The following NTRK2 variants were observed in gnomAD, a reference collection of about 807,000 sequenced individuals.
NTRK2 encodes BDNF/NT-3 growth factors receptor.
NTRK2 carries 13 observed loss-of-function variants against 94.5 expected under a neutral mutation model. The ratio of observed to expected loss-of-function variants is 0.14; its 90% CI spans 0.09 to 0.22. NTRK2 has a LOEUF of 0.22. NTRK2 is among the 10% of genes least tolerant of loss of function. The probability of loss-of-function intolerance (pLI) is 1.00; values close to 1 mark genes in which losing one functional copy is unlikely to be tolerated. For missense variants in NTRK2, 639 were observed against 1,071.2 expected (o/e 0.60, Z 5.63); for synonymous variants, 372 against 407.4 (o/e 0.91, Z 1.05).
intron 12 of NTRK2, among the ~76,000 whole-genome samples, chr9:84,846,553 T>C (rs2074483443): frequency 6.6e-6 from 1 of 152,238 alleles, no homozygotes; most frequent in Non-Finnish European, 1.5e-5. Flanking sequence ...CAAGCAGTTA[T>C]AAAGATTGGG....
intron 18 of NTRK2, 32 bp downstream of exon 18, chr9:85,020,396 A>G (rs750457973): frequency 4.3e-6 from 7 of 1,612,992 alleles, no homozygotes; most frequent in South Asian, 3.3e-5. Context: ...GACCCTCCAG[A>G]GGGCTGAGAT....
chr9:84,992,780 A>C (rs1829251062), intron 17 of NTRK2, among the ~76,000 whole-genome samples: 1 of 152,088 alleles, frequency 6.6e-6, no homozygotes, highest in Non-Finnish European at 1.5e-5. Context: ...TGCAGATGTG[A>C]TGTGCTATCA....
intron 14 of NTRK2, among the ~76,000 whole-genome samples, chr9:84,911,606 T>C (rs1054107507): frequency 1.3e-5 from 2 of 152,282 alleles, no homozygotes; most frequent in Non-Finnish European, 1.5e-5. Context: ...GTAGGGTTTG[T>C]ACTGTTTTAT....
chr9:84,824,418 A>G (rs1432711730), intron 12 of NTRK2, among the ~76,000 whole-genome samples: 1 of 152,246 alleles, frequency 6.6e-6, no homozygotes, highest in Admixed American at 6.5e-5. Flanking sequence ...ATCAGCATGC[A>G]GAATTCAGAT....
Position 84,737,790 on chromosome 9 carries a change from C to A in NTRK2, c.1160-4102C>A, listed in dbSNP as rs115837696. On this transcript the variant is annotated intron_variant, in intron 9 of 18. Transcript: ENST00000277120. ...ATAGGCAGTTTTTCAGCCTTCCCCCCCATCCGTCTCTCTCCATCTTCAGTA... is the reference window on the plus strand; with the variant it reads ...ATAGGCAGTTTTTCAGCCTTCCCCCACATCCGTCTCTCTCCATCTTCAGTA... Among the ~76,000 whole-genome samples, 9 of 148,510 alleles carry A rather than the reference C, an allele frequency of 6.1e-5. 1 individual carries two copies. Among genetic ancestry groups the A allele is most frequent in the African/African-American group, 1.1e-4 (4 of 37,962 alleles).
At chr9:84,976,293 CAG>C (rs985637949) in intron 17 of NTRK2, among the ~76,000 whole-genome samples, 1 of 152,174 alleles carries the variant, frequency 6.6e-6, no homozygotes. Flanking sequence ...CCCTGTGTGG[CAG>C]AGAGAGCTCT....
intron 14 of NTRK2, among the ~76,000 whole-genome samples, chr9:84,932,011 T>C (rs1270894555): frequency 3.9e-5 from 6 of 152,244 alleles, no homozygotes; most frequent in Admixed American, 3.9e-4. Context: ...AAAAGACCTT[T>C]TGATTTTTAT....
intron 5 of NTRK2, 53 bp downstream of exon 5, chr9:84,707,965 A>G (rs750164181): frequency 3.4e-5 from 49 of 1,432,046 alleles, no homozygotes; most frequent in Non-Finnish European, 4.6e-5. Flanking sequence ...AGGAAGGGGT[A>G]ATTAAGTATT....
At chr9:84,799,001 G>T (rs754194511) in intron 12 of NTRK2, among the ~76,000 whole-genome samples, 11 of 147,700 alleles carry the variant, frequency 7.4e-5, no homozygotes, top group Non-Finnish European at 7.4e-5. Flanking sequence ...CATTTTATAG[G>T]CAAGAAAACT....
At chr9:84,913,174 T>A (rs1349771180) in intron 14 of NTRK2, among the ~76,000 whole-genome samples, 4 of 152,158 alleles carry the variant, frequency 2.6e-5, no homozygotes, top group Non-Finnish European at 4.4e-5. Context: ...TTTTTTAGAA[T>A]TCTTTTTTTA....
chr9:84,967,442 T>C (rs1000206315), intron 17 of NTRK2, among the ~76,000 whole-genome samples: 5 of 152,222 alleles, frequency 3.3e-5, no homozygotes, highest in African/African-American at 1.2e-4. Flanking sequence ...CTTGTCAAGG[T>C]ATCCTTGTGG....
chr9:84,935,237 A>AT (rs1324413669), intron 15 of NTRK2, among the ~76,000 whole-genome samples: 1 of 152,186 alleles, frequency 6.6e-6, no homozygotes, highest in Non-Finnish European at 1.5e-5. Flanking sequence ...AACAGGAAAC[A>AT]TTTTTACAAA....
intron 4 of NTRK2, among the ~76,000 whole-genome samples, chr9:84,704,752 G>C (rs141650807): frequency 4.6e-5 from 7 of 152,310 alleles, no homozygotes; most frequent in Non-Finnish European, 7.3e-5. Flanking sequence ...CAAGTGCCAG[G>C]CAGTTATGAA....
At position 84,670,358 on chromosome 9, in the gene NTRK2, C is replaced by T. The variant is rs577271234; in HGVS notation, c.-372-19C>T. On this transcript the variant is annotated intron_variant, in intron 1 of 18. Transcript: ENST00000277120. ...TGGGGGTCCTACGCTCAGTCTTACG[C>T]GTGTCTGTTTGTCCTCAGCCTCGAG... The T allele has an allele frequency of 3.5e-5, 13 of 372,008 alleles. No homozygotes were observed. The South Asian group carries it at 4.0e-4, about 11-fold the overall frequency. The allele number at this position is 372,008 out of a possible 1,614,324, so 23.0% of individuals were successfully genotyped here.
At chr9:84,947,291 T>C (rs1247375838) in intron 15 of NTRK2, among the ~76,000 whole-genome samples, 1 of 152,168 alleles carries the variant, frequency 6.6e-6, no homozygotes, top group Non-Finnish European at 1.5e-5. Context: ...GTAATGACAT[T>C]GGGCCCTCCT....
intron 12 of NTRK2, among the ~76,000 whole-genome samples, chr9:84,756,730 C>G (rs187974556): frequency 6.3e-4 from 96 of 152,306 alleles, no homozygotes; most frequent in African/African-American, 2.2e-3. Context: ...TCTGCAGCCT[C>G]TGATTCTTGT....
chr9:84,940,095 T>C (rs149765514), intron 15 of NTRK2, among the ~76,000 whole-genome samples: 1 of 152,194 alleles, frequency 6.6e-6, no homozygotes, highest in Non-Finnish European at 1.5e-5. Context: ...CAGGCCTGGG[T>C]CACATACTGA....
chr9:84,871,347 G>T (rs1315050605), intron 14 of NTRK2, among the ~76,000 whole-genome samples: 3 of 152,094 alleles, frequency 2.0e-5, no homozygotes, highest in African/African-American at 4.8e-5. Flanking sequence ...ATTTTATGTG[G>T]ATTCCCCAAG....
At chr9:84,966,343 T>C (rs1825557050) in intron 17 of NTRK2, among the ~76,000 whole-genome samples, 1 of 152,232 alleles carries the variant, frequency 6.6e-6, no homozygotes, top group Non-Finnish European at 1.5e-5. Flanking sequence ...TTCAGCATCT[T>C]GAAAGCGATG....
Sources: gnomAD v4.1 joint callset for allele counts (sites outside exome capture counted in the v4.1 genomes callset) on GRCh38, gnomAD v4.1.1 for gene constraint, MANE v1.5 for transcripts, NCBI Gene and HGNC (gene_info 2026-07-23, HGNC 2026-07-21) for gene names.